The following C1QTNF3 variants were observed in gnomAD, a reference collection of about 807,000 sequenced individuals.
C1QTNF3 encodes complement C1q tumor necrosis factor-related protein 3.
A neutral mutation model predicts 32.6 loss-of-function variants in C1QTNF3; 26 were observed. The observed-to-expected ratio is 0.80, with a 90% confidence interval of 0.58 to 1.11. The LOEUF (loss-of-function observed/expected upper bound fraction) is 1.11. Among genes scored for constraint, C1QTNF3 ranks in the 50% least tolerant of loss-of-function variants. The pLI, the probability that C1QTNF3 is intolerant of heterozygous loss-of-function variation, is 0.00. For missense variants in C1QTNF3, 362 were observed against 398.2 expected, an observed-to-expected ratio of 0.91 and a Z score of 0.77; for synonymous variants, 155 against 146.0, an observed-to-expected ratio of 1.06 and a Z score of -0.44.
the C1QTNF3 span, among the ~76,000 whole-genome samples, chr5:34,225,922 CA>C: frequency 1.3e-5 from 2 of 150,926 alleles, no homozygotes; most frequent in Non-Finnish European, 3.0e-5. Context: ...TATTTGAATG[CA>C]AAAAAATAAA....
At chr5:34,070,189 T>C in the C1QTNF3 span, among the ~76,000 whole-genome samples, 2 of 152,174 alleles carry the variant, frequency 1.3e-5, no homozygotes, top group Admixed American at 6.5e-5. Context: ...CTTGCACTCA[T>C]TTCTTCTTCT....
intron 5 of C1QTNF3, among the ~76,000 whole-genome samples, chr5:34,022,619 A>T (rs1332956361): frequency 6.6e-6 from 1 of 152,200 alleles, no homozygotes; most frequent in African/African-American, 2.4e-5. Context: ...GTGGGCAGAG[A>T]AGGTTAGCTG....
At chr5:34,102,209 G>A in the C1QTNF3 span, among the ~76,000 whole-genome samples, 12 of 152,090 alleles carry the variant, frequency 7.9e-5, no homozygotes, top group South Asian at 2.1e-3. Context: ...TTTTAAATAC[G>A]CCATTGTAAT....
the C1QTNF3 span, among the ~76,000 whole-genome samples, chr5:34,182,434 G>C: frequency 6.6e-6 from 1 of 152,310 alleles, no homozygotes; most frequent in African/African-American, 2.4e-5. Flanking sequence ...CTGTGATCAG[G>C]CCATTGCGTT....
At chr5:34,044,984 G>A (rs182191770), upstream of C1QTNF3, among the ~76,000 whole-genome samples, 50 of 152,280 alleles carry the variant, frequency 3.3e-4, 1 homozygote, top group African/African-American at 1.2e-3. Flanking sequence ...TGTGTTTGGA[G>A]GGTGAGCAAG....
chr5:34,143,409 G>C, the C1QTNF3 span, among the ~76,000 whole-genome samples: 20 of 152,134 alleles, frequency 1.3e-4, no homozygotes, highest in Admixed American at 1.1e-3. Context: ...AAATTGACTT[G>C]CAAATTCAAG....
the C1QTNF3 span, among the ~76,000 whole-genome samples, chr5:34,171,290 C>G: frequency 6.6e-6 from 1 of 150,850 alleles, no homozygotes; most frequent in Non-Finnish European, 1.5e-5. Flanking sequence ...GTTTATAAAT[C>G]TCAAGTGCAG....
At chr5:34,118,851 T>C in the C1QTNF3 span, among the ~76,000 whole-genome samples, 2,792 of 152,214 alleles carry the variant, frequency 0.018, 25 homozygotes, top group Middle Eastern at 0.041. Context: ...AATCGCTTTA[T>C]CATTAAATAT....
At chr5:34,124,772 T>C in the C1QTNF3 span, among the ~76,000 whole-genome samples, 126 of 152,316 alleles carry the variant, frequency 8.3e-4, 2 homozygotes, top group Non-Finnish European at 1.3e-3. Context: ...GAGGAAGACT[T>C]CCTCAAATAG....
chr5:34,214,319 T>C, the C1QTNF3 span, among the ~76,000 whole-genome samples: 49,399 of 151,742 alleles, frequency 0.33, 8,288 homozygotes, highest in East Asian at 0.53. Context: ...TGCAGCTAAA[T>C]TGTTAACAAA....
chr5:34,175,975 G>T, the C1QTNF3 span: 1 of 800,480 alleles, frequency 1.2e-6, no homozygotes. Flanking sequence ...TCAAGGCAAA[G>T]AGAAGAGTAA....
the C1QTNF3 span, among the ~76,000 whole-genome samples, chr5:34,208,758 T>C: frequency 3.3e-5 from 5 of 152,186 alleles, no homozygotes; most frequent in African/African-American, 7.2e-5. Context: ...GATATTACAG[T>C]CACTATATTA....
At chr5:34,170,308 A>C in the C1QTNF3 span, among the ~76,000 whole-genome samples, 4 of 152,154 alleles carry the variant, frequency 2.6e-5, no homozygotes, top group Non-Finnish European at 4.4e-5. Flanking sequence ...TTTTTCAAGG[A>C]ATATGAACTT....
chr5:34,088,549 T>C, the C1QTNF3 span, among the ~76,000 whole-genome samples: 2 of 152,198 alleles, frequency 1.3e-5, no homozygotes, highest in East Asian at 1.9e-4. Flanking sequence ...TGTCAACATA[T>C]ATAATTGGAC....
At chr5:34,133,577 C>T in the C1QTNF3 span, among the ~76,000 whole-genome samples, 1 of 152,118 alleles carries the variant, frequency 6.6e-6, no homozygotes, top group Non-Finnish European at 1.5e-5. Flanking sequence ...CATTGGATTC[C>T]AGAATGTGTC....
chr5:34,051,035 TAAAG>T, the C1QTNF3 span, among the ~76,000 whole-genome samples: 1 of 152,192 alleles, frequency 6.6e-6, no homozygotes, highest in African/African-American at 2.4e-5. Flanking sequence ...CATTATATGA[TAAAG>T]AAGAGAATCT....
chr5:34,057,600 T>C, the C1QTNF3 span, among the ~76,000 whole-genome samples: 62 of 152,338 alleles, frequency 4.1e-4, no homozygotes, highest in African/African-American at 1.4e-3. Context: ...TCTCAAAAAA[T>C]ATGGACCTTT....
chr5:34,104,685 A>C, the C1QTNF3 span, among the ~76,000 whole-genome samples: 5 of 116,114 alleles, frequency 4.3e-5, no homozygotes, highest in African/African-American at 1.7e-4. Flanking sequence ...ACCAGTGCCC[A>C]CTACCAGGTC....
the C1QTNF3 span, among the ~76,000 whole-genome samples, chr5:34,061,695 G>A: frequency 6.6e-6 from 1 of 152,202 alleles, no homozygotes; most frequent in African/African-American, 2.4e-5. Context: ...CATGGCTGGA[G>A]CAGCTGAGAC....
Sources: gnomAD v4.1 joint callset for allele counts (sites outside exome capture counted in the v4.1 genomes callset) on GRCh38, gnomAD v4.1.1 for gene constraint, MANE v1.5 for transcripts, NCBI Gene and HGNC (gene_info 2026-07-23, HGNC 2026-07-21) for gene names.